Variants in IL1RAP observed in about 807,000 individuals in gnomAD.
IL1RAP encodes interleukin-1 receptor accessory protein.
A neutral mutation model predicts 60.7 loss-of-function variants in IL1RAP; 35 were observed. The observed-to-expected ratio is 0.58, with a 90% CI of 0.44 to 0.76. The LOEUF (loss-of-function observed/expected upper bound fraction) is 0.76. Ranked by LOEUF, IL1RAP falls within the 30% of genes least tolerant of loss-of-function variation. The pLI, the probability that IL1RAP is intolerant of heterozygous loss-of-function variation, is 0.00. For synonymous variants in IL1RAP, 268 were observed against 250.9 expected, an observed-to-expected ratio of 1.07 and a Z score of -0.64; for missense variants, 572 against 693.9, an observed-to-expected ratio of 0.82 and a Z score of 1.97.
At chr3:190,642,860 C>T (rs1248939468) in intron 9 of IL1RAP, among the ~76,000 whole-genome samples, 1 of 152,176 alleles carries the variant, frequency 6.6e-6, no homozygotes, top group African/African-American at 2.4e-5. Flanking sequence ...TTGACTAATA[C>T]ACAATTTAAG....
intron 5 of IL1RAP, among the ~76,000 whole-genome samples, chr3:190,613,807 T>A (rs957593077): frequency 6.6e-6 from 1 of 151,546 alleles, no homozygotes; most frequent in African/African-American, 2.4e-5. Flanking sequence ...CACTCCAGCC[T>A]GGGCAATGGA....
At chr3:190,583,747 G>C (rs1306524123) in intron 3 of IL1RAP, among the ~76,000 whole-genome samples, 1 of 152,190 alleles carries the variant, frequency 6.6e-6, no homozygotes, top group African/African-American at 2.4e-5. Flanking sequence ...AAAAATTTGT[G>C]TGATGTGACT....
At chr3:190,604,073 G>A (rs1730081468) in intron 3 of IL1RAP, 55 bp from the exon 4 acceptor site, 7 of 1,537,868 alleles carry the variant, frequency 4.6e-6, no homozygotes, top group Non-Finnish European at 6.2e-6. Context: ...TTCTTTTGAG[G>A]CCTTTGTTGT....
At chr3:190,553,696 C>T (rs1017238274) in intron 1 of IL1RAP, among the ~76,000 whole-genome samples, 2 of 152,172 alleles carry the variant, frequency 1.3e-5, no homozygotes, top group Admixed American at 6.5e-5. Flanking sequence ...CTTTTCTGAC[C>T]CCTGAGCGTG....
At chr3:190,633,793 T>C (rs762490461) in intron 9 of IL1RAP, among the ~76,000 whole-genome samples, 3 of 152,246 alleles carry the variant, frequency 2.0e-5, no homozygotes, top group Non-Finnish European at 4.4e-5. Context: ...GGATTTTCCA[T>C]ATGCTTGATT....
downstream of IL1RAP, among the ~76,000 whole-genome samples, chr3:190,652,436 T>C (rs1734444369): frequency 6.6e-6 from 1 of 150,576 alleles, no homozygotes; most frequent in African/African-American, 2.5e-5. Flanking sequence ...GACTCCAGCC[T>C]GGCGACAGAG....
rs567974672 is a variant in IL1RAP at position 190,600,371 on chromosome 3, G to A, written c.65-3757G>A. The stretch of plus-strand genomic sequence containing the variant: ...GCTAGAAGAGTGGGCTTGGAACAAA[G>A]CATGTAACTTTTTTATATAGCTGTC... On this transcript the variant is annotated intron_variant, in intron 3 of 11. Transcript: ENST00000447382. Among the ~76,000 whole-genome samples, 4 of 152,288 alleles carry A rather than the reference G, an allele frequency of 2.6e-5. 1 individual carries two copies. The South Asian group carries it at 8.3e-4, about 32-fold the overall frequency.
intron 1 of IL1RAP, chr3:190,518,749 A>G (rs1018349765): frequency 3.9e-5 from 6 of 152,294 alleles, no homozygotes; most frequent in Non-Finnish European, 7.3e-5. Flanking sequence ...CTCATTTTGA[A>G]AACTATCTGA....
intron 1 of IL1RAP, among the ~76,000 whole-genome samples, chr3:190,527,609 C>T (rs551063409): frequency 5.3e-5 from 8 of 151,580 alleles, no homozygotes; most frequent in African/African-American, 1.9e-4. Context: ...GAAGCTGGTA[C>T]CAATGAGCTG....
chr3:190,624,974 T>C (rs922347183), intron 7 of IL1RAP: 2 of 173,292 alleles, frequency 1.2e-5, no homozygotes, highest in African/African-American at 2.4e-5. Context: ...GGGTGCTCCC[T>C]ACCCACACTG....
intron 7 of IL1RAP, among the ~76,000 whole-genome samples, chr3:190,625,346 T>TA (rs1732158325): frequency 1.3e-5 from 2 of 152,164 alleles, no homozygotes; most frequent in East Asian, 3.9e-4. Context: ...AGAAAGGCTG[T>TA]AACATTAAAT....
At chr3:190,575,445 CATTAT>C (rs1316719953) in intron 3 of IL1RAP, among the ~76,000 whole-genome samples, 1 of 152,104 alleles carries the variant, frequency 6.6e-6, no homozygotes, top group African/African-American at 2.4e-5. Context: ...ATAAATAAGG[CATTAT>C]ATTGATGGAA....
intron 1 of IL1RAP, among the ~76,000 whole-genome samples, chr3:190,531,530 A>AT (rs1413691484): frequency 5.3e-5 from 8 of 152,200 alleles, no homozygotes; most frequent in Non-Finnish European, 8.8e-5. Flanking sequence ...AGGGCATTCC[A>AT]TAAGTCTTCC....
intron 3 of IL1RAP, among the ~76,000 whole-genome samples, chr3:190,582,578 A>G (rs1254022107): frequency 1.3e-5 from 2 of 152,110 alleles, no homozygotes; most frequent in Non-Finnish European, 2.9e-5. Flanking sequence ...TCGGCCTCCC[A>G]AAGTGCTGGG....
intron 1 of IL1RAP, among the ~76,000 whole-genome samples, chr3:190,555,166 A>G (rs1263864311): frequency 6.6e-6 from 1 of 152,192 alleles, no homozygotes. Flanking sequence ...TTAATTTCCT[A>G]ACCTGGAGGT....
At chr3:190,524,561 C>G (rs1428674356) in intron 1 of IL1RAP, among the ~76,000 whole-genome samples, 1 of 152,098 alleles carries the variant, frequency 6.6e-6, no homozygotes, top group Non-Finnish European at 1.5e-5. Flanking sequence ...TAGCCAGTTA[C>G]CCCAGCATTA....
chr3:190,577,748 T>C (rs968894374), intron 3 of IL1RAP, among the ~76,000 whole-genome samples: 1 of 152,048 alleles, frequency 6.6e-6, no homozygotes, highest in Non-Finnish European at 1.5e-5. Context: ...CCCAGGTTGG[T>C]CTTGAATTCC....
At chr3:190,596,353 CTT>C (rs61432795) in intron 3 of IL1RAP, among the ~76,000 whole-genome samples, 2 of 147,558 alleles carry the variant, frequency 1.4e-5, no homozygotes, top group Non-Finnish European at 3.0e-5. Flanking sequence ...AGTCAGGCAG[CTT>C]TTTTTTTTTG....
chr3:190,518,055 A>C (rs1330342969), intron 1 of IL1RAP: 2 of 152,016 alleles, frequency 1.3e-5, no homozygotes, highest in African/African-American at 4.8e-5. Context: ...CGGTGGATAA[A>C]TTCAGGTTAG....
Sources: allele counts gnomAD v4.1 joint callset (sites outside exome capture counted in the v4.1 genomes callset), GRCh38; gene constraint gnomAD v4.1.1; transcripts MANE v1.5; gene names NCBI Gene and HGNC (gene_info 2026-07-23, HGNC 2026-07-21).